ABCA10: variants seen among roughly 807,000 people sequenced by gnomAD.
The protein encoded by ABCA10 is ATP-binding cassette sub-family A member 10.
Under a neutral mutation model 187.5 loss-of-function variants are expected in ABCA10, and 169 were observed. The ratio of observed to expected loss-of-function variants is 0.90; its 90% CI spans 0.80 to 1.02. ABCA10 has a LOEUF of 1.02. ABCA10 is among the 50% of genes least tolerant of loss of function. The probability of loss-of-function intolerance (pLI) is 0.00; values close to 1 mark genes in which losing one functional copy is unlikely to be tolerated. For synonymous variants in ABCA10, 574 were observed against 601.8 expected (o/e 0.95, Z 0.68); for missense variants, 1,727 against 1,812.4 (o/e 0.95, Z 0.86).
At chr17:69,209,961 T>C (rs75270660) in intron 9 of ABCA10, among the ~76,000 whole-genome samples, 2,598 of 152,182 alleles carry the variant, frequency 0.017, 67 homozygotes, top group African/African-American at 0.059. Context: ...TAGTCCATCA[T>C]TGACAAAAAC....
intron 27 of ABCA10, among the ~76,000 whole-genome samples, chr17:69,160,786 T>C (rs953016303): frequency 6.6e-6 from 1 of 152,150 alleles, no homozygotes; most frequent in Non-Finnish European, 1.5e-5. Flanking sequence ...TGTGGAGAAA[T>C]TGGAACTCTT....
chr17:69,203,122 T>C (rs954550533), intron 9 of ABCA10, among the ~76,000 whole-genome samples: 1 of 152,142 alleles, frequency 6.6e-6, no homozygotes, highest in Non-Finnish European at 1.5e-5. Flanking sequence ...GGAAAAGTTA[T>C]AGATAGAAAT....
At chr17:69,222,428 A>G in intron 4 of ABCA10, 105 bp downstream of exon 4, 1 of 972,280 alleles carries the variant, frequency 1.0e-6, no homozygotes, top group Admixed American at 3.2e-5. Context: ...AGGGAAATGT[A>G]TATTAATTCT....
intron 26 of ABCA10, 115 bp downstream of exon 26, chr17:69,164,849 A>G (rs1216050359): frequency 6.3e-6 from 8 of 1,265,260 alleles, no homozygotes; most frequent in Admixed American, 2.3e-5. Flanking sequence ...TTTAGAATTT[A>G]TCAGCATTGA....
Position 69,154,338 on chromosome 17 carries a change from A to G in ABCA10, c.3695-12T>C. The G allele has an allele frequency of 6.4e-7, 1 of 1,558,130 alleles. No individual in the cohort carries two copies. Among genetic ancestry groups the G allele is most frequent in the South Asian group, 1.2e-5 (1 of 85,102 alleles). ...TCCCAAAACTTCACCTGGAAGAAAG[A>G]GTCACCATCAATATTTGAATTTTCA... is the stretch of plus-strand genomic sequence containing the variant. On this transcript the variant is annotated splice_polypyrimidine_tract_variant and intron_variant, in intron 30 of 38. Transcript: ENST00000690296.
At chr17:69,212,848 T>G (rs923440400) in intron 9 of ABCA10, among the ~76,000 whole-genome samples, 5 of 152,212 alleles carry the variant, frequency 3.3e-5, no homozygotes, top group African/African-American at 1.2e-4. Context: ...TCCTTATGTG[T>G]TGGGTGAGTC....
Position 69,194,408 on chromosome 17 carries a change from C to T in ABCA10, c.1322G>A (p.Ser441Asn). Residue 441 changes from serine to asparagine, a missense_variant, in exon 12 of 39, where the codon AGT (serine) becomes AAT (asparagine). Transcript: ENST00000690296. ...ACCTTCTGTAGAAACAGACAATCCACTAAGAATGTTTAGCAGTGTTGATTT... is the reference window on the plus strand; with the variant it reads ...ACCTTCTGTAGAAACAGACAATCCATTAAGAATGTTTAGCAGTGTTGATTT... Reference protein sequence around the residue: ...AGKSTLLNILSGLSVSTEGSA... With the variant: ...AGKSTLLNILNGLSVSTEGSA... The T allele has an allele frequency of 2.5e-6, 4 of 1,612,434 alleles. No homozygotes were observed. Among genetic ancestry groups the T allele is most frequent in the Non-Finnish European group, 3.4e-6 (4 of 1,178,854 alleles).
intron 8 of ABCA10, among the ~76,000 whole-genome samples, chr17:69,215,167 T>C (rs1327902587): frequency 6.6e-6 from 1 of 152,112 alleles, no homozygotes; most frequent in Non-Finnish European, 1.5e-5. Context: ...AAGGAAAACT[T>C]GAAGTGGGCA....
At chr17:69,211,351 A>ATATATATATATGTG (rs2074656541) in intron 9 of ABCA10, among the ~76,000 whole-genome samples, 1 of 19,552 alleles carries the variant, frequency 5.1e-5, no homozygotes, top group Non-Finnish European at 1.4e-4. Context: ...ATATATATAT[A>ATATATATATATGTG]TATATATATA....
intron 25 of ABCA10, among the ~76,000 whole-genome samples, chr17:69,169,675 G>T (rs917824214): frequency 6.6e-6 from 1 of 152,170 alleles, no homozygotes; most frequent in Admixed American, 6.5e-5. Flanking sequence ...AATCAGAAAG[G>T]CCAGGAATAG....
chr17:69,182,919 G>A (rs954424426), intron 20 of ABCA10, 111 bp from the exon 21 acceptor site: 25 of 1,345,082 alleles, frequency 1.9e-5, no homozygotes, highest in Non-Finnish European at 2.0e-6. Context: ...ACCCAGAATA[G>A]CTTAGTAAAG....
At chr17:69,175,912 A>C (rs572700482) in intron 22 of ABCA10, 3 of 153,028 alleles carry the variant, frequency 2.0e-5, no homozygotes, top group African/African-American at 7.2e-5. Flanking sequence ...GGGATGATTC[A>C]CTTCCTGGGT....
At chr17:69,195,554 C>CTTTTTTTTTTTTTTTTTT (rs59069489) in intron 11 of ABCA10, among the ~76,000 whole-genome samples, 12 of 102,968 alleles carry the variant, frequency 1.2e-4, no homozygotes, top group African/African-American at 1.7e-4. Flanking sequence ...TGAAGTTTTT[C>CTTTTTTTTTTTTTTTTTT]TTTTTTTTTT....
chr17:69,170,535 C>T (rs1328335168), intron 25 of ABCA10, among the ~76,000 whole-genome samples: 1 of 151,946 alleles, frequency 6.6e-6, no homozygotes, highest in East Asian at 1.9e-4. Context: ...TTAAACACTT[C>T]CTGTTTCTGC....
At chr17:69,184,688 C>A (rs2074406309) in intron 20 of ABCA10, among the ~76,000 whole-genome samples, 1 of 152,018 alleles carries the variant, frequency 6.6e-6, no homozygotes, top group South Asian at 2.1e-4. Context: ...ATTGATCCAG[C>A]AATTCCACTC....
chr17:69,193,308 C>T (rs940974575), intron 14 of ABCA10, 60 bp from the exon 15 acceptor site: 80 of 1,580,704 alleles, frequency 5.1e-5, no homozygotes, highest in Non-Finnish European at 6.3e-5. Flanking sequence ...CTTCAGAAAG[C>T]ACCATGAAAA....
At chr17:69,182,022 G>T (rs2074383654) in intron 22 of ABCA10, 131 bp downstream of exon 22, 2 of 880,168 alleles carry the variant, frequency 2.3e-6, no homozygotes, top group Non-Finnish European at 3.1e-6. Context: ...AGACACAAAG[G>T]CAAGGAGTAG....
intron 22 of ABCA10, among the ~76,000 whole-genome samples, chr17:69,180,108 T>C (rs767020976): frequency 1.3e-5 from 2 of 152,204 alleles, no homozygotes; most frequent in African/African-American, 2.4e-5. Context: ...CTTAGTTGAA[T>C]GTTACGTCTA....
At chr17:69,177,969 A>ATATATATATATATATATATATGTTAT (rs1293769286) in intron 22 of ABCA10, among the ~76,000 whole-genome samples, 9 of 54,962 alleles carry the variant, frequency 1.6e-4, no homozygotes, top group Admixed American at 3.9e-4. Flanking sequence ...AAAAAAAAAA[A>ATATATATATATATATATATATGTTAT]AAAAATATAT....
Sources: allele counts gnomAD v4.1 joint callset (sites outside exome capture counted in the v4.1 genomes callset), GRCh38; gene constraint gnomAD v4.1.1; transcripts MANE v1.5; gene names NCBI Gene and HGNC (gene_info 2026-07-23, HGNC 2026-07-21).